The following CCDC6 variants were observed in gnomAD, a reference collection of about 807,000 sequenced individuals.
CCDC6 encodes coiled-coil domain containing 6, also known as coiled-coil domain-containing protein 6.
In CCDC6, 20 loss-of-function variants were observed where a neutral mutation model predicts 56.6. The observed-to-expected ratio is 0.35, with a 90% CI of 0.25 to 0.51. The LOEUF (loss-of-function observed/expected upper bound fraction) is 0.51. Ranked by LOEUF, CCDC6 falls within the 20% of genes least tolerant of loss-of-function variation. CCDC6 has a pLI of 0.95. For synonymous variants in CCDC6, 241 were observed against 234.4 expected (o/e 1.03, Z -0.26); for missense variants, 367 against 601.1 (o/e 0.61, Z 4.07).
At chr10:59,806,343 T>A (rs2070623469) in intron 6 of CCDC6, 2 of 152,180 alleles carry the variant, frequency 1.3e-5, no homozygotes. Flanking sequence ...TTATTCCAGA[T>A]CACTCACAGT....
intron 2 of CCDC6, among the ~76,000 whole-genome samples, chr10:59,836,356 C>T (rs1245749673): frequency 2.0e-5 from 3 of 152,190 alleles, no homozygotes; most frequent in Non-Finnish European, 4.4e-5. Flanking sequence ...GACGTAAAAA[C>T]CCTGGGAAGC....
intron 6 of CCDC6, 26 bp downstream of exon 6, chr10:59,806,896 A>G (rs1185050093): frequency 6.3e-7 from 1 of 1,595,268 alleles, no homozygotes. Context: ...TTAAACAAAA[A>G]CAAGGCTCAT....
Position 59,789,352 on chromosome 10 carries a change from T to C in CCDC6, c.*3565A>G, listed in dbSNP as rs1032608971. On this transcript the variant is annotated 3_prime_UTR_variant, in exon 9 of 9. Coordinates refer to ENST00000263102, the MANE Select transcript of CCDC6 (RefSeq NM_005436.5). Reference sequence around the variant, plus strand: ...TGCCTCATGAGAGGCAACCTGGGCTTGGCAGTTAATCAGAACTGCTGAGCA... The same window carrying C: ...TGCCTCATGAGAGGCAACCTGGGCTCGGCAGTTAATCAGAACTGCTGAGCA... The C allele has an allele frequency of 9.1e-5, 21 of 230,924 alleles. No homozygotes were observed. The highest frequency in any genetic ancestry group is 4.6e-4 in the African/African-American group (21 of 45,288). The allele number at this position is 230,924 out of a possible 1,614,324, so 14.3% of individuals were successfully genotyped here.
chr10:59,790,082 T>C lies in CCDC6; in HGVS notation c.*2835A>G, dbSNP rs2132616721. 1 of 213,488 alleles carries C rather than the reference T, an allele frequency of 4.7e-6. No individual in the cohort carries two copies. Among genetic ancestry groups the C allele is most frequent in the Middle Eastern group, 1.5e-3 (1 of 658 alleles). The allele number at this position is 213,488 out of a possible 1,614,324, so 13.2% of individuals were successfully genotyped here. On this transcript the variant is annotated 3_prime_UTR_variant, in exon 9 of 9. Coordinates refer to ENST00000263102, the MANE Select transcript of CCDC6 (RefSeq NM_005436.5). The stretch of plus-strand genomic sequence containing the variant: ...ACTATCTGCCAAATTTCTAGAATTC[T>C]GTCTAGAGTGCTAGCATGCTTGATG...
chr10:59,855,557 C>A (rs2071074891), intron 1 of CCDC6, among the ~76,000 whole-genome samples: 1 of 152,098 alleles, frequency 6.6e-6, no homozygotes, highest in African/African-American at 2.4e-5. Context: ...CAGAGTGAGA[C>A]TCTGTCTCAA....
chr10:59,853,519 G>A (rs765575567), intron 1 of CCDC6, among the ~76,000 whole-genome samples: 2 of 152,092 alleles, frequency 1.3e-5, no homozygotes, highest in African/African-American at 2.4e-5. Flanking sequence ...GGGTGACAGA[G>A]TAAGATGTTG....
At chr10:59,876,809 A>G (rs1485530642) in intron 1 of CCDC6, among the ~76,000 whole-genome samples, 1 of 152,190 alleles carries the variant, frequency 6.6e-6, no homozygotes, top group Non-Finnish European at 1.5e-5. Flanking sequence ...ATTGTATTTC[A>G]TTACATTGAG....
At chr10:59,859,188 ACATGTGTGTGCGTG>A (rs1485831858) in intron 1 of CCDC6, among the ~76,000 whole-genome samples, 1 of 95,982 alleles carries the variant, frequency 1.0e-5, no homozygotes, top group East Asian at 3.3e-4. Flanking sequence ...AAAAAAAAAT[ACATGTGTGTGCGTG>A]TGTGTGTGTG....
intron 8 of CCDC6, among the ~76,000 whole-genome samples, chr10:59,793,504 C>A (rs2070485813): frequency 1.3e-5 from 2 of 152,188 alleles, no homozygotes; most frequent in South Asian, 4.1e-4. Context: ...ATGTTTGAGG[C>A]CGGGTGCAGT....
chr10:59,870,431 T>G (rs1470080385), intron 1 of CCDC6, among the ~76,000 whole-genome samples: 2 of 152,200 alleles, frequency 1.3e-5, no homozygotes, highest in Non-Finnish European at 2.9e-5. Context: ...CAGATGCCAC[T>G]GATACCAAAA....
chr10:59,798,710 G>A (rs1024862623), intron 7 of CCDC6, among the ~76,000 whole-genome samples: 2 of 152,158 alleles, frequency 1.3e-5, no homozygotes, highest in African/African-American at 4.8e-5. Context: ...AAATATAAAA[G>A]TGGGCTGGAC....
At chr10:59,800,467 T>C (rs918863504) in intron 7 of CCDC6, among the ~76,000 whole-genome samples, 4 of 152,220 alleles carry the variant, frequency 2.6e-5, no homozygotes, top group Non-Finnish European at 4.4e-5. Context: ...ATCCAAATTG[T>C]TCTAAGTGTC....
intron 5 of CCDC6, among the ~76,000 whole-genome samples, chr10:59,809,073 T>TTATA (rs2070651546): frequency 6.6e-6 from 1 of 152,336 alleles, no homozygotes; most frequent in East Asian, 1.9e-4. Flanking sequence ...ACGATTTAAA[T>TTATA]TATTTGATCC....
At chr10:59,812,080 A>C (rs908743075) in intron 5 of CCDC6, among the ~76,000 whole-genome samples, 6 of 148,144 alleles carry the variant, frequency 4.1e-5, no homozygotes, top group African/African-American at 1.0e-4. Flanking sequence ...AAAAAAAAAA[A>C]AACCACAAAT....
rs760067752 is a variant in CCDC6, at chr10:59,792,766, A to T, written c.*151T>A. On this transcript the variant is annotated 3_prime_UTR_variant, in exon 9 of 9. Coordinates refer to ENST00000263102, the MANE Select transcript of CCDC6 (RefSeq NM_005436.5). ...ACCCACAACACTGGCTGCATTTCTG[A>T]CAAACATTTACAACACAATGGATAG... The T allele has an allele frequency of 1.1e-6, 1 of 876,990 alleles. No homozygotes were observed. The highest frequency in any genetic ancestry group is 1.7e-5 in the Admixed American group (1 of 59,148). 54.3% of individuals were successfully genotyped at this position (876,990 alleles called of 1,614,324 possible).
chr10:59,829,374 A>G (rs185731959), intron 3 of CCDC6, among the ~76,000 whole-genome samples: 1 of 152,354 alleles, frequency 6.6e-6, no homozygotes, highest in African/African-American at 2.4e-5. Context: ...TGTTTCCACA[A>G]TTTTAAGGAG....
rs1192933817 is a variant in CCDC6, at chr10:59,842,785, GCT to G, written c.453+9766_453+9767del. 8.6e-5 allele frequency among the ~76,000 whole-genome samples: 9 copies of G among 104,282 alleles called. No individual in the cohort carries two copies. In the East Asian group the frequency reaches 2.3e-3, roughly 26 times the overall value. 68.4% of individuals were successfully genotyped at this position (104,282 alleles called of 152,430 possible). A position where few individuals can be genotyped will look rare whatever the true frequency, so the allele number is the denominator to read the frequency against. On this transcript the variant is annotated intron_variant, in intron 2 of 8. Coordinates refer to ENST00000263102, the MANE Select transcript of CCDC6 (RefSeq NM_005436.5). ...TTTTTTTTTTTTGAGACAGAGTTTT[GCT>G]CTGTCACCCAGGCTGGAGTGCAGTG... is the stretch of plus-strand genomic sequence containing the variant.
intron 1 of CCDC6, among the ~76,000 whole-genome samples, chr10:59,892,248 A>G (rs1484845868): frequency 6.6e-6 from 1 of 152,220 alleles, no homozygotes; most frequent in Admixed American, 6.5e-5. Context: ...TAAAGTCAGA[A>G]AACGTGTACT....
intron 1 of CCDC6, among the ~76,000 whole-genome samples, chr10:59,884,397 A>C (rs1451542659): frequency 6.6e-6 from 1 of 152,236 alleles, no homozygotes; most frequent in Admixed American, 6.5e-5. Context: ...CACATACTCT[A>C]AAAACTGGCA....
Sources: gnomAD v4.1 joint callset for allele counts (sites outside exome capture counted in the v4.1 genomes callset) on GRCh38, gnomAD v4.1.1 for gene constraint, MANE v1.5 for transcripts, NCBI Gene and HGNC (gene_info 2026-07-23, HGNC 2026-07-21) for gene names.